Variants in FHAD1 observed in about 807,000 individuals in gnomAD.
The protein encoded by FHAD1 is forkhead-associated domain-containing protein 1.
A neutral mutation model predicts 191.3 loss-of-function variants in FHAD1; 146 were observed. The observed-to-expected ratio is 0.76, with a 90% confidence interval of 0.67 to 0.88. The LOEUF (loss-of-function observed/expected upper bound fraction) is 0.88, where lower values mean the gene tolerates loss of function less well. Among genes scored for constraint, FHAD1 ranks in the 40% least tolerant of loss-of-function variants. The pLI, the probability that FHAD1 is intolerant of heterozygous loss-of-function variation, is 0.00. For missense variants in FHAD1, 1,635 were observed against 1,785.8 expected (o/e 0.92, Z 1.52); for synonymous variants, 616 against 672.3 (o/e 0.92, Z 1.29).
rs1491376785 is a variant in FHAD1, at chr1:15,329,715, A to AAG, written c.1906+174_1906+175insAG. Reference sequence around the variant, plus strand: ...GCGTAATTTTCCATTAAAAAAAAAAACACACACATACAAGTGAGACACGAT... The same window carrying AAG: ...GCGTAATTTTCCATTAAAAAAAAAAAAGCACACACATACAAGTGAGACACGAT... On this transcript the variant is annotated intron_variant, in intron 14 of 33. Transcript: ENST00000688493. This position sits in a 1 kb window ranked among gnomAD's most constrained non-coding sequence, Gnocchi z 5.0. 4 of 556,020 alleles carry AAG rather than the reference A, an allele frequency of 7.2e-6. No homozygotes were observed. The African/African-American group carries it at 7.7e-5, about 11-fold the overall frequency. 34.4% of individuals were successfully genotyped at this position (556,020 alleles called of 1,614,324 possible).
chr1:15,240,973 AAAAGAAAG>A (rs1306632052), intron 1 of FHAD1, among the ~76,000 whole-genome samples: 1 of 77,816 alleles, frequency 1.3e-5, no homozygotes, highest in South Asian at 4.0e-4. Flanking sequence ...AAAAAAAAAA[AAAAGAAAG>A]AAAGAAAGAA....
chr1:15,272,410 G>T lies in FHAD1; in HGVS notation c.181G>T (p.Gly61Cys). The T allele has an allele frequency of 6.4e-7, 1 of 1,551,694 alleles. No homozygotes were observed. Among genetic ancestry groups the T allele is most frequent in the Non-Finnish European group, 8.7e-7 (1 of 1,146,996 alleles). The change falls in exon 3 of 34, where the codon GGC becomes TGC. Residue 61 changes from glycine to cysteine, a missense_variant. Transcript: ENST00000688493. ...FVLQDFNSRNGTFVNECHIQN... is the reference protein window; with the variant it reads ...FVLQDFNSRNCTFVNECHIQN... ...TCTCCAGGACTTCAATTCCCGCAACGGCACGTTTGTCAACGAGTGCCACAT... is the reference window on the plus strand; with the variant it reads ...TCTCCAGGACTTCAATTCCCGCAACTGCACGTTTGTCAACGAGTGCCACAT...
At chr1:15,342,491 G>A (rs563017516) in intron 16 of FHAD1, among the ~76,000 whole-genome samples, 20 of 152,286 alleles carry the variant, frequency 1.3e-4, no homozygotes, top group African/African-American at 4.3e-4. Context: ...TTCTTAGGGC[G>A]AAGGCTTAGA....
intron 31 of FHAD1, among the ~76,000 whole-genome samples, chr1:15,384,915 C>T (rs1051158866): frequency 1.3e-5 from 2 of 152,138 alleles, no homozygotes; most frequent in African/African-American, 4.8e-5. Context: ...GCAGTGTCAC[C>T]GGGCTACTCA....
intron 1 of FHAD1, among the ~76,000 whole-genome samples, chr1:15,241,583 G>A (rs1365272453): frequency 6.6e-6 from 1 of 152,184 alleles, no homozygotes; most frequent in Non-Finnish European, 1.5e-5. Context: ...ACGGGAGGCA[G>A]AGGTTGCAGT....
rs34110532 is a variant in FHAD1 at position 15,278,475 on chromosome 1, C to CTTTTTTTTTTTTTTTTT, written c.300+5962_300+5963insTTTTTTTTTTTTTTTTT. 6.2e-4 allele frequency among the ~76,000 whole-genome samples: 77 copies of CTTTTTTTTTTTTTTTTT among 124,306 alleles called. 8 individuals are homozygous for CTTTTTTTTTTTTTTTTT. The highest frequency in any genetic ancestry group is 2.2e-3 in the African/African-American group (68 of 30,732). The allele number at this position is 124,306 out of a possible 152,430, so 81.5% of individuals were successfully genotyped here. The stretch of plus-strand genomic sequence containing the variant: ...ACGCTTTGAACAGTCTTCATTACCT[C>CTTTTTTTTTTTTTTTTT]TTTTTTTTTTTTTTTTGAGACGGAG... On this transcript the variant is annotated intron_variant, in intron 3 of 33. Transcript: ENST00000688493.
chr1:15,282,904 C>T (rs1661105553), intron 3 of FHAD1, among the ~76,000 whole-genome samples: 2 of 152,320 alleles, frequency 1.3e-5, no homozygotes, highest in South Asian at 4.1e-4. Flanking sequence ...AGGGAGGGTT[C>T]TTGGCTTTGC....
chr1:15,329,265 G>T lies in FHAD1; in HGVS notation c.1711-81G>T. On this transcript the variant is annotated intron_variant, in intron 13 of 33. Transcript: ENST00000688493. This position sits in a 1 kb window ranked among gnomAD's most constrained non-coding sequence, Gnocchi z 5.0. ...GCTGCCTGCTTCGTGGCAGAGTCAA[G>T]AACGCTGTTCCTCGAAGGTCACGTC... is the stretch of plus-strand genomic sequence containing the variant. 1 of 1,210,478 alleles carries T rather than the reference G, an allele frequency of 8.3e-7. No individual in the cohort carries two copies. The highest frequency in any genetic ancestry group is 2.8e-5 in the Admixed American group (1 of 36,246). The allele number at this position is 1,210,478 out of a possible 1,614,324, so 75.0% of individuals were successfully genotyped here.
intron 31 of FHAD1, chr1:15,383,419 A>G: frequency 2.7e-6 from 1 of 374,508 alleles, no homozygotes; most frequent in Non-Finnish European, 5.3e-6. Flanking sequence ...CCTGCCTCAG[A>G]CCCGGTAGGG....
At chr1:15,369,784 T>A (rs140883078) in intron 26 of FHAD1, among the ~76,000 whole-genome samples, 2 of 152,272 alleles carry the variant, frequency 1.3e-5, no homozygotes, top group East Asian at 3.9e-4. Context: ...CAGGTGTGGA[T>A]TCGTTCCACC....
chr1:15,381,209 T>C lies in FHAD1; in HGVS notation c.3802-22T>C. The C allele has an allele frequency of 2.0e-6, 3 of 1,528,020 alleles. No individual in the cohort carries two copies. Among genetic ancestry groups the C allele is most frequent in the African/African-American group, 2.8e-5 (2 of 72,650 alleles). 94.7% of individuals were successfully genotyped at this position (1,528,020 alleles called of 1,614,324 possible). On this transcript the variant is annotated intron_variant, in intron 29 of 33. Coordinates refer to ENST00000688493, the MANE Select transcript of FHAD1 (RefSeq NM_001391957.1). This position sits in a 1 kb window ranked among gnomAD's most constrained non-coding sequence, Gnocchi z 4.6. ...CAGCGGCCGCGGGTAATGCCTCTTA[T>C]GCGCGAACGTTTTCCTTGTAGTACC...
chr1:15,268,458 G>A (rs1439934401), intron 2 of FHAD1, among the ~76,000 whole-genome samples: 4 of 137,130 alleles, frequency 2.9e-5, no homozygotes, highest in Non-Finnish European at 6.4e-5. Flanking sequence ...ATAAACATAC[G>A]TGTGCATGTG....
chr1:15,316,571 G>A lies in FHAD1; in HGVS notation c.1260+104G>A. 1.1e-6 allele frequency: 1 copy of A among 921,660 alleles called. No individual in the cohort carries two copies. The highest frequency in any genetic ancestry group is 1.7e-6 in the Non-Finnish European group (1 of 593,350). The allele number at this position is 921,660 out of a possible 1,614,324, so 57.1% of individuals were successfully genotyped here. On this transcript the variant is annotated intron_variant, in intron 9 of 33. Coordinates refer to ENST00000688493, the MANE Select transcript of FHAD1 (RefSeq NM_001391957.1). The surrounding 1 kb of genome is among the most constrained non-coding windows in gnomAD (Gnocchi z 4.3). Reference sequence around the variant, plus strand: ...CCATCACTAAGCATGAAGCTCTGGGGCTCTGTGCTTGCTTGTTTAACATAG... The same window carrying A: ...CCATCACTAAGCATGAAGCTCTGGGACTCTGTGCTTGCTTGTTTAACATAG...
intron 25 of FHAD1, 102 bp downstream of exon 25, chr1:15,367,724 A>T (rs368548405): frequency 5.7e-6 from 5 of 875,876 alleles, no homozygotes; most frequent in Admixed American, 2.6e-5. Context: ...TGAGGAGTTG[A>T]ATGAATGAAT....
upstream of FHAD1, among the ~76,000 whole-genome samples, chr1:15,245,881 C>T (rs1458643007): frequency 6.6e-6 from 1 of 152,214 alleles, no homozygotes; most frequent in African/African-American, 2.4e-5. Context: ...CCTCCAGGCA[C>T]GTTTGAGCAT....
In FHAD1 at chr1:15,255,945, G is replaced by A. The variant is rs370018208; in HGVS notation, c.93+4068G>A. On this transcript the variant is annotated intron_variant, in intron 2 of 33. Coordinates refer to ENST00000688493, the MANE Select transcript of FHAD1 (RefSeq NM_001391957.1). ...ACTGATGGATTTTCAGCAAGTGGAA[G>A]GCCTGCCTGTTGAAATGGGCTCCCT... Among the ~76,000 whole-genome samples the A allele has an allele frequency of 5.5e-5, 8 of 145,602 alleles. No individual in the cohort carries two copies. In the South Asian group the frequency reaches 1.5e-3, roughly 27 times the overall value.
At position 15,381,402 on chromosome 1, in the gene FHAD1, AG is replaced by A. The variant is rs1700867247; in HGVS notation, c.3975del (p.Glu1327ArgfsTer4). 1 of 1,551,660 alleles carries A rather than the reference AG, an allele frequency of 6.4e-7. No homozygotes were observed. The highest frequency in any genetic ancestry group is 2.4e-5 in the East Asian group (1 of 40,904). ...CACCCAACTCAAGAACCAGCTGGGGAGGAAAGAGGAGCTGTTGAGAGGATAT... is the reference window on the plus strand; with the variant it reads ...CACCCAACTCAAGAACCAGCTGGGGAGAAAGAGGAGCTGTTGAGAGGATAT... ...KITQLKNQLG[R>X]KEELLRGYEK... On this transcript the variant is annotated frameshift_variant, in exon 30 of 34. Transcript: ENST00000688493. LOFTEE classifies it high-confidence loss of function. This position sits in a 1 kb window ranked among gnomAD's most constrained non-coding sequence, Gnocchi z 4.6.
intron 13 of FHAD1, chr1:15,328,854 G>A: frequency 6.1e-6 from 1 of 162,852 alleles, no homozygotes; most frequent in South Asian, 1.9e-4. Context: ...CTTGGCCACA[G>A]CCCTGCGGCC....
At chr1:15,392,088 T>C (rs546307221) in intron 33 of FHAD1, among the ~76,000 whole-genome samples, 86 of 152,222 alleles carry the variant, frequency 5.6e-4, no homozygotes, top group Non-Finnish European at 1.1e-3. Flanking sequence ...AATTTCAGGC[T>C]TAACAGAATG....
Sources: gnomAD v4.1 joint callset for allele counts (sites outside exome capture counted in the v4.1 genomes callset) on GRCh38, gnomAD v4.1.1 for gene constraint, Gnocchi (gnomAD v3.1) non-coding constraint, MANE v1.5 for transcripts, NCBI Gene and HGNC (gene_info 2026-07-23, HGNC 2026-07-21) for gene names.